DNAAF1: variants seen among roughly 807,000 people sequenced by gnomAD.
DNAAF1 encodes the protein dynein assembly factor 1, axonemal.
DNAAF1 carries 65 observed loss-of-function variants against 71.1 expected under a neutral mutation model. The ratio of observed to expected loss-of-function variants is 0.91; its 90% CI spans 0.75 to 1.12. The LOEUF (loss-of-function observed/expected upper bound fraction) is 1.12, where lower values mean the gene tolerates loss of function less well. DNAAF1 is among the 50% of genes most tolerant of loss of function. DNAAF1 has a pLI of 0.00. For missense variants in DNAAF1, 1,178 were observed against 899.8 expected (o/e 1.31, Z -3.96); for synonymous variants, 414 against 354.6 (o/e 1.17, Z -1.88).
intron 6 of DNAAF1, among the ~76,000 whole-genome samples, chr16:84,165,510 A>T (rs1034565327): frequency 6.6e-6 from 1 of 152,066 alleles, no homozygotes; most frequent in Non-Finnish European, 1.5e-5. Context: ...TACTTTATTT[A>T]TGGTATACTT....
chr16:84,145,638 C>A, intron 1 of DNAAF1, 74 bp downstream of exon 1: 1 of 1,491,600 alleles, frequency 6.7e-7, no homozygotes, highest in Non-Finnish European at 9.0e-7. Flanking sequence ...CCTTCCCACA[C>A]CACATACCCG....
intron 9 of DNAAF1, chr16:84,174,176 A>G: frequency 9.9e-7 from 1 of 1,006,312 alleles, no homozygotes; most frequent in Non-Finnish European, 1.2e-6. Context: ...CATGCATCCA[A>G]CCACACACTA....
intron 10 of DNAAF1, chr16:84,175,207 CA>C: frequency 4.5e-6 from 1 of 220,754 alleles, no homozygotes; most frequent in Non-Finnish European, 9.2e-6. Context: ...TGTTCTTGTT[CA>C]ATTTCTTTAA....
chr16:84,151,567 G>A (rs2087182352), intron 3 of DNAAF1, among the ~76,000 whole-genome samples: 1 of 152,202 alleles, frequency 6.6e-6, no homozygotes, highest in Admixed American at 6.5e-5. Context: ...AGGTAGAAGA[G>A]CTGGGAGAGA....
intron 1 of DNAAF1, among the ~76,000 whole-genome samples, chr16:84,145,941 C>CA (rs1377623568): frequency 5.3e-5 from 8 of 151,920 alleles, no homozygotes; most frequent in African/African-American, 9.7e-5. Flanking sequence ...ACTAAAAATA[C>CA]AAAAAATGAG....
intron 11 of DNAAF1, 60 bp downstream of exon 11, chr16:84,176,359 G>T (rs1410292350): frequency 6.2e-7 from 1 of 1,609,150 alleles, no homozygotes; most frequent in East Asian, 2.2e-5. Context: ...CCTGGGATGG[G>T]TGGGGCAGGG....
At chr16:84,147,896 T>A (rs1478825509) in intron 1 of DNAAF1, among the ~76,000 whole-genome samples, 2 of 152,054 alleles carry the variant, frequency 1.3e-5, no homozygotes, top group Non-Finnish European at 2.9e-5. Flanking sequence ...GGAAACCCCG[T>A]CTCTACTAAA....
In DNAAF1 at chr16:84,177,914, A is replaced by C. The variant is rs2088828912; in HGVS notation, c.*73A>C. 1 of 1,274,554 alleles carries C rather than the reference A, an allele frequency of 7.8e-7. No individual in the cohort carries two copies. The allele number at this position is 1,274,554 out of a possible 1,614,324, so 79.0% of individuals were successfully genotyped here. ...CCTTAGGCATGATAAACATTTTAAC[A>C]CCCACGCGAGTCAGTGTATGATTGG... On this transcript the variant is annotated 3_prime_UTR_variant, in exon 12 of 12. Transcript: ENST00000378553.
intron 6 of DNAAF1, among the ~76,000 whole-genome samples, chr16:84,164,692 G>C (rs2087879541): frequency 6.6e-6 from 1 of 152,178 alleles, no homozygotes; most frequent in Non-Finnish European, 1.5e-5. Context: ...GTCACTTCTA[G>C]TTTTTGCCAA....
chr16:84,164,501 T>C (rs1275148293), intron 6 of DNAAF1, among the ~76,000 whole-genome samples: 1 of 152,238 alleles, frequency 6.6e-6, no homozygotes, highest in Non-Finnish European at 1.5e-5. Context: ...GAAAGTCATA[T>C]AGCTGGAATC....
intron 5 of DNAAF1, among the ~76,000 whole-genome samples, chr16:84,157,992 G>C (rs1007925086): frequency 2.6e-5 from 4 of 152,132 alleles, no homozygotes; most frequent in African/African-American, 9.7e-5. Flanking sequence ...CAGATCACGA[G>C]GTCGGGAGAT....
Position 84,162,873 on chromosome 16 carries a change from C to T in DNAAF1, c.864-2910C>T, listed in dbSNP as rs77748732. ...CATTAGCAGCCAACCCCCTATTTCTCGCTCCCTGAAGGCCCTGGCAGCCAC... is the reference window on the plus strand; with the variant it reads ...CATTAGCAGCCAACCCCCTATTTCTTGCTCCCTGAAGGCCCTGGCAGCCAC... On this transcript the variant is annotated intron_variant, in intron 6 of 11. Coordinates refer to ENST00000378553, the MANE Select transcript of DNAAF1 (RefSeq NM_178452.6). 6.9e-3 allele frequency among the ~76,000 whole-genome samples: 1,050 copies of T among 151,982 alleles called. 8 individuals carry two copies. The highest frequency in any genetic ancestry group is 0.024 in the African/African-American group (993 of 41,434).
chr16:84,170,017 G>A lies in DNAAF1; in HGVS notation c.1189G>A (p.Glu397Lys). The change falls in exon 8 of 12, where the codon GAG becomes AAG. Residue 397 changes from glutamate to lysine, a missense_variant. Physicochemically the swap from Glu to Lys is moderately conservative, Grantham distance 56 (BLOSUM62 1). Coordinates refer to ENST00000378553, the MANE Select transcript of DNAAF1 (RefSeq NM_178452.6). ...DELCPEKPSG[E>K]EPPVEAKRED... ...GCTCTGCCCGGAAAAGCCAAGTGGA[G>A]AGGAGCCGCCTGTGGAGGCTAAAAG... is the stretch of plus-strand genomic sequence containing the variant. The A allele has an allele frequency of 6.2e-7, 1 of 1,613,864 alleles. No individual in the cohort carries two copies. The highest frequency in any genetic ancestry group is 8.5e-7 in the Non-Finnish European group (1 of 1,180,022).
rs2288020 is a variant in DNAAF1 at position 84,176,132 on chromosome 16, T to C, written c.1898T>C (p.Leu633Ser). The change falls in exon 11 of 12, where the codon TTG (leucine) becomes TCG (serine). Residue 633 changes from leucine (L) to serine (S), a missense_variant. By Grantham distance (145) the Leu-to-Ser change is moderately radical. Coordinates refer to ENST00000378553, the MANE Select transcript of DNAAF1 (RefSeq NM_178452.6). ...DIFKKEAKRD[L>S]EIRKQDTKSP... ...TTTAAAAAAGAAGCTAAGAGGGACT[T>C]GGAAATCCGAAAACAAGACACCAAG... 558,159 of 1,613,394 alleles carry C rather than the reference T, an allele frequency of 0.35. 100,022 individuals are homozygous for C. The highest frequency in any genetic ancestry group is 0.44 in the Admixed American group (26,651 of 59,906).
In DNAAF1 at chr16:84,154,671, C is replaced by T. The variant is rs147124181; in HGVS notation, c.447C>T (p.Ala149=). ...NGIQKIENLE[A]QTELRCLFLQ... is the part of the protein sequence containing the mutation. ...TACAGAAAATCGAAAACCTGGAGGC[C>T]CAAACTGAGTTGCGTTGCCTCTTCT... The change falls in exon 4 of 12, where the codon GCC becomes GCT. Residue 149 remains alanine, a synonymous_variant. Coordinates refer to ENST00000378553, the MANE Select transcript of DNAAF1 (RefSeq NM_178452.6). 9 of 1,613,980 alleles carry T rather than the reference C, an allele frequency of 5.6e-6. No homozygotes were observed. The highest frequency in any genetic ancestry group is 5.1e-6 in the Non-Finnish European group (6 of 1,180,026).
chr16:84,152,720 A>G (rs2087243759), intron 3 of DNAAF1, among the ~76,000 whole-genome samples: 1 of 151,728 alleles, frequency 6.6e-6, no homozygotes, highest in Non-Finnish European at 1.5e-5. Flanking sequence ...TTGGGAGGCC[A>G]AGGCAGGTGG....
chr16:84,147,836 C>T (rs765034028), intron 1 of DNAAF1, among the ~76,000 whole-genome samples: 5 of 151,998 alleles, frequency 3.3e-5, no homozygotes, highest in South Asian at 2.1e-4. Context: ...AAGGCCAAGG[C>T]GGGTGGGTCA....
chr16:84,145,382 G>A lies in DNAAF1; in HGVS notation c.-59G>A. ...CTGGCTGGGCTGGGGCCGTAGCGAC[G>A]TCCGCCGCGAACCTGGGCCCCCCAA... On this transcript the variant is annotated 5_prime_UTR_variant, in exon 1 of 12. Coordinates refer to ENST00000378553, the MANE Select transcript of DNAAF1 (RefSeq NM_178452.6). The A allele has an allele frequency of 2.6e-6, 4 of 1,554,488 alleles. No homozygotes were observed. Among genetic ancestry groups the A allele is most frequent in the Non-Finnish European group, 3.5e-6 (4 of 1,150,194 alleles).
At chr16:84,174,765 C>G in intron 10 of DNAAF1, 43 bp downstream of exon 10, 2 of 1,613,042 alleles carry the variant, frequency 1.2e-6, no homozygotes, top group Non-Finnish European at 1.7e-6. Flanking sequence ...CAGCTTAATT[C>G]CACCTTCGTT....
Sources: gnomAD v4.1 joint callset for allele counts (sites outside exome capture counted in the v4.1 genomes callset) on GRCh38, gnomAD v4.1.1 for gene constraint, MANE v1.5 for transcripts, NCBI Gene and HGNC (gene_info 2026-07-23, HGNC 2026-07-21) for gene names.